Variants in DIP2B observed in about 807,000 individuals in gnomAD.
The protein encoded by DIP2B is disco-interacting protein 2 homolog B.
Under a neutral mutation model 198.0 loss-of-function variants are expected in DIP2B, and 76 were observed. That is an observed-to-expected ratio of 0.38 (90% CI 0.32 to 0.46). The LOEUF is 0.46. Ranked by LOEUF, DIP2B falls within the 20% of genes least tolerant of loss-of-function variation. The pLI, the probability that DIP2B is intolerant of heterozygous loss-of-function variation, is 0.99. For missense variants in DIP2B, 1,559 were observed against 1,978.4 expected, an observed-to-expected ratio of 0.79 and a Z score of 4.02; for synonymous variants, 701 against 739.1, an observed-to-expected ratio of 0.95 and a Z score of 0.84.
chr12:50,711,115 A>G (rs1015535762), intron 22 of DIP2B, among the ~76,000 whole-genome samples: 2 of 152,176 alleles, frequency 1.3e-5, no homozygotes, highest in African/African-American at 2.4e-5. Context: ...TACAGTGCCA[A>G]TTTACTAATC....
intron 1 of DIP2B, among the ~76,000 whole-genome samples, chr12:50,571,071 G>C (rs573600735): frequency 4.6e-5 from 7 of 152,042 alleles, no homozygotes; most frequent in Non-Finnish European, 1.0e-4. Flanking sequence ...TGATAATAGA[G>C]GTATGAAAAG....
At chr12:50,655,706 G>A (rs552746384) in intron 3 of DIP2B, among the ~76,000 whole-genome samples, 30 of 152,236 alleles carry the variant, frequency 2.0e-4, no homozygotes, top group Non-Finnish European at 2.9e-4. Context: ...TTGGCTGGGT[G>A]CAGTGGCTCA....
chr12:50,562,377 T>C (rs1411128351), intron 1 of DIP2B, among the ~76,000 whole-genome samples: 2 of 152,104 alleles, frequency 1.3e-5, no homozygotes, highest in Non-Finnish European at 1.5e-5. Flanking sequence ...AACAGGGCTT[T>C]CCTATCTTAT....
intron 15 of DIP2B, 22 bp downstream of exon 15, chr12:50,695,382 G>T: frequency 3.8e-6 from 6 of 1,585,360 alleles, no homozygotes; most frequent in Non-Finnish European, 4.3e-6. Context: ...CAACATCTGA[G>T]CTTTAATTAT....
intron 1 of DIP2B, among the ~76,000 whole-genome samples, chr12:50,511,291 A>ATTTTTTTTCTTTTTTTTTTTTT (rs1958013866): frequency 3.1e-5 from 2 of 64,664 alleles, no homozygotes; most frequent in Admixed American, 2.7e-4. Flanking sequence ...TGTGATTTCT[A>ATTTTTTTTCTTTTTTTTTTTTT]TTTTTTTTTT....
intron 1 of DIP2B, among the ~76,000 whole-genome samples, chr12:50,512,505 T>C (rs1409770351): frequency 6.6e-6 from 1 of 152,214 alleles, no homozygotes; most frequent in East Asian, 1.9e-4. Context: ...ATACGATAAA[T>C]TTTTGGTCAC....
intron 6 of DIP2B, 100 bp from the exon 7 acceptor site, chr12:50,675,229 A>G (rs375405375): frequency 1.4e-6 from 2 of 1,457,052 alleles, no homozygotes; most frequent in Non-Finnish European, 1.8e-6. Context: ...AACTGGACAA[A>G]CGCCAAACAT....
At chr12:50,614,153 T>C (rs1937653015) in intron 1 of DIP2B, among the ~76,000 whole-genome samples, 1 of 152,228 alleles carries the variant, frequency 6.6e-6, no homozygotes, top group Non-Finnish European at 1.5e-5. Flanking sequence ...GTTTTCTTCC[T>C]TCACTGTTCC....
At chr12:50,743,091 TTTTG>T (rs1267797962) in intron 37 of DIP2B, among the ~76,000 whole-genome samples, 6 of 151,830 alleles carry the variant, frequency 4.0e-5, no homozygotes, top group African/African-American at 7.3e-5. Context: ...TGGAATTTGG[TTTTG>T]TTTGTTTTTT....
chr12:50,606,528 AATG>A (rs139837859), intron 1 of DIP2B, among the ~76,000 whole-genome samples: 3 of 152,326 alleles, frequency 2.0e-5, no homozygotes, highest in African/African-American at 7.2e-5. Context: ...CATTTACAAT[AATG>A]ATGCTATGAA....
intron 1 of DIP2B, among the ~76,000 whole-genome samples, chr12:50,600,251 C>T (rs986980917): frequency 6.6e-6 from 1 of 152,162 alleles, no homozygotes; most frequent in African/African-American, 2.4e-5. Context: ...CAAGTGATAT[C>T]CAAAACCATC....
At chr12:50,523,939 CT>C (rs1384920381) in intron 1 of DIP2B, among the ~76,000 whole-genome samples, 21 of 152,188 alleles carry the variant, frequency 1.4e-4, no homozygotes, top group African/African-American at 5.1e-4. Context: ...AGAAAAGCCT[CT>C]TCCTGCAATG....
chr12:50,514,672 A>G (rs1040331382), intron 1 of DIP2B, among the ~76,000 whole-genome samples: 1 of 151,862 alleles, frequency 6.6e-6, no homozygotes, highest in African/African-American at 2.4e-5. Flanking sequence ...CAGCCTATAC[A>G]TTATGTTTTT....
At chr12:50,714,318 A>G (rs756315151) in intron 22 of DIP2B, 77 bp from the exon 23 acceptor site, 11 of 1,558,046 alleles carry the variant, frequency 7.1e-6, no homozygotes, top group Non-Finnish European at 9.7e-6. Flanking sequence ...TGTAGCGTAA[A>G]ATAATGGATT....
chr12:50,593,058 G>A (rs747626559), intron 1 of DIP2B, among the ~76,000 whole-genome samples: 20 of 152,138 alleles, frequency 1.3e-4, no homozygotes, highest in Non-Finnish European at 2.2e-4. Context: ...CCAAATTTCA[G>A]TTTGAGCTAA....
intron 20 of DIP2B, among the ~76,000 whole-genome samples, chr12:50,704,829 T>C (rs763275040): frequency 1.3e-5 from 2 of 152,044 alleles, no homozygotes; most frequent in Non-Finnish European, 2.9e-5. Context: ...CTGGGTGTGG[T>C]AGCATGTACC....
At chr12:50,619,735 G>C (rs1236827814) in intron 1 of DIP2B, among the ~76,000 whole-genome samples, 1 of 152,158 alleles carries the variant, frequency 6.6e-6, no homozygotes, top group Non-Finnish European at 1.5e-5. Context: ...TTGCAAGGGA[G>C]AGACTGTTCC....
chr12:50,530,202 G>A (rs1214903250), intron 1 of DIP2B, among the ~76,000 whole-genome samples: 3 of 152,020 alleles, frequency 2.0e-5, no homozygotes, highest in Admixed American at 6.6e-5. Flanking sequence ...TCAGCCTCCC[G>A]AGGAGCTGGG....
At chr12:50,720,806 A>G (rs900583513) in intron 25 of DIP2B, among the ~76,000 whole-genome samples, 24 of 152,254 alleles carry the variant, frequency 1.6e-4, no homozygotes, top group African/African-American at 5.5e-4. Context: ...AGAAAGAAAA[A>G]GCGTCCCATA....
Sources: gnomAD v4.1 joint callset for allele counts (sites outside exome capture counted in the v4.1 genomes callset) on GRCh38, gnomAD v4.1.1 for gene constraint, MANE v1.5 for transcripts, NCBI Gene and HGNC (gene_info 2026-07-23, HGNC 2026-07-21) for gene names.